Variants in LRP1B observed in about 807,000 individuals in gnomAD.
The protein encoded by LRP1B is LDL receptor related protein 1B, also known as low-density lipoprotein receptor-related protein 1B.
LRP1B carries 217 observed loss-of-function variants against 556.6 expected under a neutral mutation model. The ratio of observed to expected loss-of-function variants is 0.39; its 90% CI spans 0.35 to 0.44. LRP1B has a LOEUF of 0.44. Ranked by LOEUF, LRP1B falls within the 20% of genes least tolerant of loss-of-function variation. LRP1B has a pLI of 1.00. For missense variants in LRP1B, 5,053 were observed against 5,620.8 expected (o/e 0.90, Z 3.23); for synonymous variants, 2,047 against 1,865.8 (o/e 1.10, Z -2.50).
chr2:141,278,641 C>G (rs1685394899), intron 3 of LRP1B, among the ~76,000 whole-genome samples: 1 of 151,950 alleles, frequency 6.6e-6, no homozygotes, highest in Non-Finnish European at 1.5e-5. Context: ...TTTATTTCAC[C>G]TAGGGAATAC....
At chr2:141,578,396 C>CAAAA (rs554339088) in intron 2 of LRP1B, among the ~76,000 whole-genome samples, 14 of 73,160 alleles carry the variant, frequency 1.9e-4, no homozygotes, top group South Asian at 4.2e-4. Context: ...GAGTCCTTCT[C>CAAAA]AAAAAAAAAA....
chr2:140,973,934 A>G (rs976250015), intron 18 of LRP1B, among the ~76,000 whole-genome samples: 2 of 152,196 alleles, frequency 1.3e-5, no homozygotes, highest in Admixed American at 6.5e-5. Flanking sequence ...TAATAAGATT[A>G]TTAAAATTCA....
chr2:141,260,325 A>C (rs940270860), intron 3 of LRP1B, among the ~76,000 whole-genome samples: 3 of 152,212 alleles, frequency 2.0e-5, no homozygotes, highest in Non-Finnish European at 4.4e-5. Flanking sequence ...ATTTTTATGA[A>C]ATATACTAAT....
intron 3 of LRP1B, among the ~76,000 whole-genome samples, chr2:141,279,416 T>C (rs1434509775): frequency 6.6e-6 from 1 of 152,108 alleles, no homozygotes; most frequent in African/African-American, 2.4e-5. Flanking sequence ...TACCAAAAGA[T>C]TGGTACTGTA....
intron 77 of LRP1B, among the ~76,000 whole-genome samples, chr2:140,336,098 C>G (rs1681079162): frequency 6.6e-6 from 1 of 151,900 alleles, no homozygotes; most frequent in Non-Finnish European, 1.5e-5. Flanking sequence ...TTTCCAGAAC[C>G]ATAGGAGGTT....
At chr2:140,686,494 T>A (rs1008844975) in intron 41 of LRP1B, among the ~76,000 whole-genome samples, 41 of 151,888 alleles carry the variant, frequency 2.7e-4, no homozygotes, top group Middle Eastern at 6.8e-3. Context: ...AAATAAAAAT[T>A]TAAAATAATA....
intron 1 of LRP1B, among the ~76,000 whole-genome samples, chr2:142,060,705 A>C (rs1704874209): frequency 6.6e-6 from 1 of 152,078 alleles, no homozygotes; most frequent in Non-Finnish European, 1.5e-5. Context: ...ATGTTTTAAG[A>C]GAATACATAT....
chr2:142,057,252 G>A (rs188963214), intron 1 of LRP1B, among the ~76,000 whole-genome samples: 30 of 152,192 alleles, frequency 2.0e-4, no homozygotes, highest in Admixed American at 5.9e-4. Context: ...GATATAGAAA[G>A]CCTGAATGGA....
intron 32 of LRP1B, among the ~76,000 whole-genome samples, chr2:140,801,554 C>T (rs146986947): frequency 1.8e-4 from 27 of 149,860 alleles, no homozygotes; most frequent in African/African-American, 6.6e-4. Context: ...GTTCATCTTA[C>T]AGGACAGGGT....
intron 35 of LRP1B, among the ~76,000 whole-genome samples, chr2:140,765,137 A>G (rs953932743): frequency 3.9e-5 from 6 of 152,074 alleles, no homozygotes; most frequent in African/African-American, 1.4e-4. Flanking sequence ...ACCCTTGTTT[A>G]TCTTCATCTT....
intron 3 of LRP1B, among the ~76,000 whole-genome samples, chr2:141,302,505 T>C (rs1686433342): frequency 6.6e-6 from 1 of 152,084 alleles, no homozygotes; most frequent in African/African-American, 2.4e-5. Flanking sequence ...CCTATTGTTA[T>C]TGGATAGCAG....
At chr2:141,774,917 T>A (rs1695013305) in intron 2 of LRP1B, among the ~76,000 whole-genome samples, 1 of 152,206 alleles carries the variant, frequency 6.6e-6, no homozygotes, top group South Asian at 2.1e-4. Context: ...TCTCTTTCAT[T>A]CATACTACAT....
In LRP1B at chr2:140,375,096, T is replaced by C. The variant is rs948250313; in HGVS notation, c.10639-1959A>G. Among the ~76,000 whole-genome samples the C allele has an allele frequency of 3.3e-5, 5 of 152,216 alleles. No homozygotes were observed. The South Asian group carries it at 6.2e-4, about 19-fold the overall frequency. ...TGCACCCTAAGAATGTTGATACCTTTGCAACCTCCAAAGTGATTAATGAGC... is the reference window on the plus strand; with the variant it reads ...TGCACCCTAAGAATGTTGATACCTTCGCAACCTCCAAAGTGATTAATGAGC... On this transcript the variant is annotated intron_variant, in intron 68 of 90. Transcript: ENST00000389484.
At chr2:142,056,463 G>T (rs143760434) in intron 1 of LRP1B, among the ~76,000 whole-genome samples, 1 of 152,096 alleles carries the variant, frequency 6.6e-6, no homozygotes, top group African/African-American at 2.4e-5. Context: ...TTTGGAAAGA[G>T]CATGGATGGC....
chr2:141,808,608 C>T (rs1034106249), intron 2 of LRP1B, among the ~76,000 whole-genome samples: 1 of 152,086 alleles, frequency 6.6e-6, no homozygotes. Context: ...ACATAATTCA[C>T]CCATTTAAAA....
At chr2:140,865,865 A>C (rs554960122) in intron 27 of LRP1B, among the ~76,000 whole-genome samples, 1 of 152,238 alleles carries the variant, frequency 6.6e-6, no homozygotes, top group Admixed American at 6.5e-5. Context: ...CCACCAAAAA[A>C]TGACAATGAA....
At chr2:141,257,319 G>A (rs563482282) in intron 3 of LRP1B, among the ~76,000 whole-genome samples, 2 of 152,278 alleles carry the variant, frequency 1.3e-5, no homozygotes, top group Admixed American at 6.5e-5. Context: ...TCTAATTCAT[G>A]TAGTCTCTAC....
rs112967273 is a variant in LRP1B at position 140,629,045 on chromosome 2, G to A, written c.6800-27406C>T. Among the ~76,000 whole-genome samples the A allele has an allele frequency of 5.9e-3, 891 of 151,694 alleles. 5 individuals are homozygous for A. The highest frequency in any genetic ancestry group is 0.014 in the Middle Eastern group (4 of 294). On this transcript the variant is annotated intron_variant, in intron 41 of 90. Coordinates refer to ENST00000389484, the MANE Select transcript of LRP1B (RefSeq NM_018557.3). The stretch of plus-strand genomic sequence containing the variant: ...CTTTCTTTACAAATTACCCAGTCTC[G>A]GGTAGTTCTTTTTTATTTTTTATTT...
At chr2:140,531,928 C>A (rs1020119012) in intron 47 of LRP1B, among the ~76,000 whole-genome samples, 2 of 152,102 alleles carry the variant, frequency 1.3e-5, no homozygotes, top group Non-Finnish European at 2.9e-5. Context: ...GGCTACTTCA[C>A]CTTTTCATAT....
Sources: allele counts gnomAD v4.1 joint callset (sites outside exome capture counted in the v4.1 genomes callset), GRCh38; gene constraint gnomAD v4.1.1; transcripts MANE v1.5; gene names NCBI Gene and HGNC (gene_info 2026-07-23, HGNC 2026-07-21).